The following CLTC variants were observed in gnomAD, a reference collection of about 807,000 sequenced individuals.
CLTC encodes the protein clathrin heavy chain 1.
A neutral mutation model predicts 195.8 loss-of-function variants in CLTC; 16 were observed. The observed-to-expected ratio is 0.08, with a 90% CI of 0.06 to 0.12. The LOEUF is 0.12. Ranked by LOEUF, CLTC falls within the 10% of genes least tolerant of loss-of-function variation. CLTC has a pLI of 1.00. For missense variants in CLTC, 796 were observed against 2,027.0 expected, an observed-to-expected ratio of 0.39 and a Z score of 11.66; for synonymous variants, 667 against 689.4, an observed-to-expected ratio of 0.97 and a Z score of 0.51.
At chr17:59,650,279 C>T (rs1249561607) in intron 4 of CLTC, among the ~76,000 whole-genome samples, 1 of 152,048 alleles carries the variant, frequency 6.6e-6, no homozygotes, top group Non-Finnish European at 1.5e-5. Flanking sequence ...AGAGAGACAA[C>T]TCAAATTAGG....
chr17:59,682,458 C>T lies in CLTC; in HGVS notation c.3600+30C>T. On this transcript the variant is annotated intron_variant, in intron 22 of 31. Transcript: ENST00000269122. This position sits in a 1 kb window ranked among gnomAD's most constrained non-coding sequence, Gnocchi z 6.8. Reference sequence around the variant, plus strand: ...GTTTCCTTTTCAGATTTAAGAAAAACTAGTTGGGCTACTTGATTAGCTTGG... The same window carrying T: ...GTTTCCTTTTCAGATTTAAGAAAAATTAGTTGGGCTACTTGATTAGCTTGG... 1 of 1,612,326 alleles carries T rather than the reference C, an allele frequency of 6.2e-7. No homozygotes were observed. Among genetic ancestry groups the T allele is most frequent in the Non-Finnish European group, 8.5e-7 (1 of 1,178,852 alleles).
At position 59,684,729 on chromosome 17, in the gene CLTC, C is replaced by T. The variant is rs552620998; in HGVS notation, c.4435-327C>T. ...GCTGAGGCCGGAGAATCGCTTGAAC[C>T]CTAGAGGCAGGTTGCAGTGAGCCCA... is the stretch of plus-strand genomic sequence containing the variant. On this transcript the variant is annotated intron_variant, in intron 28 of 31. Coordinates refer to ENST00000269122, the MANE Select transcript of CLTC (RefSeq NM_004859.4). 2.7e-5 allele frequency among the ~76,000 whole-genome samples: 4 copies of T among 149,162 alleles called. No individual in the cohort carries two copies. The East Asian group carries it at 8.0e-4, about 30-fold the overall frequency.
In CLTC at chr17:59,661,474, G is replaced by A. The variant is rs190868942; in HGVS notation, c.1199G>A (p.Arg400Gln). 4 of 1,613,754 alleles carry A rather than the reference G, an allele frequency of 2.5e-6. No individual in the cohort carries two copies. Among genetic ancestry groups the A allele is most frequent in the East Asian group, 2.2e-5 (1 of 44,868 alleles). ...CTTCGTACTCCAGACACTATCCGTC[G>A]GTTCCAGAGTGTCCCAGCCCAGCCA... Reference protein sequence around the residue: ...GILRTPDTIRRFQSVPAQPGQ... With the variant: ...GILRTPDTIRQFQSVPAQPGQ... Residue 400 changes from arginine to glutamine, a missense_variant, in exon 8 of 32, where the codon CGG (arginine) becomes CAG (glutamine). Physicochemically the swap from Arg to Gln is conservative, Grantham distance 43. Around this residue, in one of 9 missense-constraint regions of CLTC, gnomAD observed 293 missense variants for 795.6 expected, o/e 0.37. Coordinates refer to ENST00000269122, the MANE Select transcript of CLTC (RefSeq NM_004859.4).
chr17:59,620,082 C>G lies in CLTC; in HGVS notation c.-50C>G, dbSNP rs1257229961. ...CTCCCTTGGAGAGCCCGGGCAGCCA[C>G]TGCCCCGCAGCCCCAGTGACAGGAG... On this transcript the variant is annotated 5_prime_UTR_variant, in exon 1 of 32. Transcript: ENST00000269122. The G allele has an allele frequency of 6.3e-7, 1 of 1,599,750 alleles. No homozygotes were observed. The highest frequency in any genetic ancestry group is 1.1e-5 in the South Asian group (1 of 90,706).
chr17:59,670,272 GTTGGGTTTTTTTTTTTGTTTTTC>G (rs2032817821), intron 14 of CLTC, among the ~76,000 whole-genome samples: 1 of 63,494 alleles, frequency 1.6e-5, no homozygotes, highest in South Asian at 1.3e-3. Context: ...GGCAGGGGGT[GTTGGGTTTTTTTTTTTGTTTTTC>G]TTTTTAAGCT....
At position 59,648,477 on chromosome 17, in the gene CLTC, C is replaced by A; in HGVS notation, c.681+76C>A. 1 of 1,301,770 alleles carries A rather than the reference C, an allele frequency of 7.7e-7. No homozygotes were observed. The allele number at this position is 1,301,770 out of a possible 1,614,324, so 80.6% of individuals were successfully genotyped here. The stretch of plus-strand genomic sequence containing the variant: ...CTGCTATGAATTAGTCATCTAATTT[C>A]AAAATAGCCTTCTCCCTTCCTAAGT... On this transcript the variant is annotated intron_variant, in intron 4 of 31. Transcript: ENST00000269122. The surrounding 1 kb of genome is among the most constrained non-coding windows in gnomAD (Gnocchi z 4.5).
Position 59,682,687 on chromosome 17 carries a change from A to G in CLTC, c.3659A>G (p.Asn1220Ser), listed in dbSNP as rs1567970345. 1 of 1,614,120 alleles carries G rather than the reference A, an allele frequency of 6.2e-7. No individual in the cohort carries two copies. Among genetic ancestry groups the G allele is most frequent in the African/African-American group, 1.3e-5 (1 of 75,020 alleles). Reference sequence around the variant, plus strand: ...GATGCTGCTAAGTTGTTGTACAATAATGTTTCCAATTTTGGACGTTTGGCA... The same window carrying G: ...GATGCTGCTAAGTTGTTGTACAATAGTGTTTCCAATTTTGGACGTTTGGCA... ...MYDAAKLLYNNVSNFGRLAST... is the reference protein window; with the variant it reads ...MYDAAKLLYNSVSNFGRLAST... The change falls in exon 23 of 32, where the codon AAT becomes AGT. Residue 1220 changes from asparagine (N) to serine (S), a missense_variant. This residue lies in a region of CLTC where 102 missense variants were observed against 317.6 expected (regional missense o/e 0.32). Transcript: ENST00000269122. This position sits in a 1 kb window ranked among gnomAD's most constrained non-coding sequence, Gnocchi z 6.8.
Position 59,666,380 on chromosome 17 carries a change from C to CT in CLTC, c.1783-97dup, listed in dbSNP as rs1567958276. On this transcript the variant is annotated intron_variant, in intron 11 of 31. Coordinates refer to ENST00000269122, the MANE Select transcript of CLTC (RefSeq NM_004859.4). This position sits in a 1 kb window ranked among gnomAD's most constrained non-coding sequence, Gnocchi z 4.9. ...GTAGCTATTATAATATTCTTTTGTA[C>CT]TTTAACAGTTCACTATTAAACCTTA... 7 of 1,486,868 alleles carry CT rather than the reference C, an allele frequency of 4.7e-6. 1 individual carries two copies. In the East Asian group the frequency reaches 9.1e-5, roughly 19 times the overall value. The allele number at this position is 1,486,868 out of a possible 1,614,324, so 92.1% of individuals were successfully genotyped here.
At chr17:59,678,445 A>ACTGCTC (rs2033012727) in intron 17 of CLTC, among the ~76,000 whole-genome samples, 2 of 152,106 alleles carry the variant, frequency 1.3e-5, no homozygotes, top group African/African-American at 4.8e-5. Flanking sequence ...CAGTTTCTCC[A>ACTGCTC]CATTTGTCAG....
chr17:59,637,497 G>A (rs1160949322), intron 1 of CLTC, among the ~76,000 whole-genome samples: 2 of 150,338 alleles, frequency 1.3e-5, no homozygotes, highest in African/African-American at 4.9e-5. Flanking sequence ...GCCCGCCTCG[G>A]CCTCCCAAAG....
intron 28 of CLTC, among the ~76,000 whole-genome samples, chr17:59,684,674 C>T (rs777327787): frequency 2.6e-5 from 4 of 152,022 alleles, no homozygotes; most frequent in Non-Finnish European, 4.4e-5. Flanking sequence ...GTTGTGGTGG[C>T]ACGTGCCTGT....
In CLTC at chr17:59,683,092, C is replaced by T. The variant is rs2033112960; in HGVS notation, c.3874-3C>T. 3 of 1,613,878 alleles carry T rather than the reference C, an allele frequency of 1.9e-6. No individual in the cohort carries two copies. The highest frequency in any genetic ancestry group is 2.5e-6 in the Non-Finnish European group (3 of 1,179,966). On this transcript the variant is annotated splice_region_variant and splice_polypyrimidine_tract_variant and intron_variant, in intron 24 of 31. Transcript: ENST00000269122. This position sits in a 1 kb window ranked among gnomAD's most constrained non-coding sequence, Gnocchi z 6.1. ...TCTTTAACTGCACATTTCTCTTGTT[C>T]AGGATCGTGGCTATTTTGAAGAGCT... is the stretch of plus-strand genomic sequence containing the variant.
rs1567976183 is a variant in CLTC, at chr17:59,690,687, A to G, written c.4879A>G (p.Thr1627Ala). The change falls in exon 31 of 32, where the codon ACA (threonine) becomes GCA (alanine). Residue 1627 changes from threonine to alanine, a missense_variant. Around this residue, in one of 9 missense-constraint regions of CLTC, gnomAD observed 148 missense variants for 279.5 expected, o/e 0.53. Transcript: ENST00000269122. ...ACTGAGAAAAGAAGAAGAACAAGCT[A>G]CAGAGACACAACCCATTGTTTATGG... Reference protein sequence around the residue: ...ESLRKEEEQATETQPIVYGQP... With the variant: ...ESLRKEEEQAAETQPIVYGQP... The G allele has an allele frequency of 6.2e-7, 1 of 1,613,162 alleles. No individual in the cohort carries two copies. Among genetic ancestry groups the G allele is most frequent in the Non-Finnish European group, 8.5e-7 (1 of 1,179,436 alleles).
At chr17:59,623,800 T>C (rs1264446055) in intron 1 of CLTC, among the ~76,000 whole-genome samples, 1 of 152,228 alleles carries the variant, frequency 6.6e-6, no homozygotes, top group Non-Finnish European at 1.5e-5. Flanking sequence ...ACCAGCTACA[T>C]AGGGATATTG....
chr17:59,694,573 A>G lies in CLTC; in HGVS notation c.*721A>G, dbSNP rs2033380602. On this transcript the variant is annotated 3_prime_UTR_variant, in exon 32 of 32. Coordinates refer to ENST00000269122, the MANE Select transcript of CLTC (RefSeq NM_004859.4). Reference sequence around the variant, plus strand: ...CTGTGGGACCATTCCATTCAGGAGCAAAGAGCACCATGATTCCAATCTTGT... The same window carrying G: ...CTGTGGGACCATTCCATTCAGGAGCGAAGAGCACCATGATTCCAATCTTGT... 4.8e-5 allele frequency: 11 copies of G among 227,604 alleles called. No individual in the cohort carries two copies. In the South Asian group the frequency reaches 1.8e-3, roughly 38 times the overall value. 14.1% of individuals were successfully genotyped at this position (227,604 alleles called of 1,614,324 possible).
chr17:59,684,041 C>A, intron 28 of CLTC, 56 bp downstream of exon 28: 2 of 1,165,630 alleles, frequency 1.7e-6, no homozygotes, highest in Non-Finnish European at 2.5e-6. Context: ...TATGTTTTCC[C>A]ATTTTTTAAA....
Position 59,693,757 on chromosome 17 carries a change from C to T in CLTC, c.4933C>T (p.Pro1645Ser), listed in dbSNP as rs753608498. The change falls in exon 32 of 32, where the codon CCC (proline) becomes TCC (serine). Residue 1645 changes from proline to serine, a missense_variant. Around this residue, in one of 9 missense-constraint regions of CLTC, gnomAD observed 148 missense variants for 279.5 expected, o/e 0.53. Transcript: ENST00000269122. ...GQPQLMLTAGPSVAVPPQAPF... is the reference protein window; with the variant it reads ...GQPQLMLTAGSSVAVPPQAPF... ...GCCCCAGTTGATGCTGACAGCAGGACCCAGTGTTGCCGTCCCTCCCCAGGC... is the reference window on the plus strand; with the variant it reads ...GCCCCAGTTGATGCTGACAGCAGGATCCAGTGTTGCCGTCCCTCCCCAGGC... 1.9e-6 allele frequency: 3 copies of T among 1,613,744 alleles called. No individual in the cohort carries two copies. Among genetic ancestry groups the T allele is most frequent in the Non-Finnish European group, 1.7e-6 (2 of 1,179,804 alleles).
chr17:59,680,837 C>G, intron 18 of CLTC, 75 bp from the exon 19 acceptor site: 1 of 1,262,698 alleles, frequency 7.9e-7, no homozygotes, highest in Non-Finnish European at 1.1e-6. Context: ...TTCAAGTTTT[C>G]TAATGAGAGG....
At chr17:59,657,207 A>C (rs932357123) in intron 6 of CLTC, among the ~76,000 whole-genome samples, 23 of 152,104 alleles carry the variant, frequency 1.5e-4, no homozygotes, top group Middle Eastern at 3.2e-3. Context: ...AAGGGAGTGC[A>C]TCCCTACCTA....
Sources: allele counts gnomAD v4.1 joint callset (sites outside exome capture counted in the v4.1 genomes callset), GRCh38; gene constraint gnomAD v4.1.1; regional missense constraint gnomAD v4.1.1; non-coding constraint Gnocchi (gnomAD v3.1); transcripts MANE v1.5; gene names NCBI Gene and HGNC (gene_info 2026-07-23, HGNC 2026-07-21).